Variants in PTPRD observed in about 807,000 individuals in gnomAD.
The protein encoded by PTPRD is receptor-type tyrosine-protein phosphatase delta.
A neutral mutation model predicts 214.5 loss-of-function variants in PTPRD; 34 were observed. That is an observed-to-expected ratio of 0.16 (90% confidence interval 0.12 to 0.21). PTPRD has a LOEUF of 0.21. Ranked by LOEUF, PTPRD falls within the 10% of genes least tolerant of loss-of-function variation. PTPRD has a pLI of 1.00. For synonymous variants in PTPRD, 1,128 were observed against 845.7 expected, an observed-to-expected ratio of 1.33 and a Z score of -5.79; for missense variants, 2,545 against 2,398.7, an observed-to-expected ratio of 1.06 and a Z score of -1.27.
At chr9:9,161,832 G>A (rs1271484916) in intron 10 of PTPRD, among the ~76,000 whole-genome samples, 1 of 150,768 alleles carries the variant, frequency 6.6e-6, no homozygotes, top group Admixed American at 6.6e-5. Context: ...AACAGTAATG[G>A]TAACATTACT....
chr9:9,165,670 A>C (rs2099901871), intron 10 of PTPRD, among the ~76,000 whole-genome samples: 1 of 152,224 alleles, frequency 6.6e-6, no homozygotes, highest in Non-Finnish European at 1.5e-5. Flanking sequence ...GTACATATTA[A>C]AATAACTTAC....
At chr9:10,451,092 G>A (rs2098838696) in intron 2 of PTPRD, among the ~76,000 whole-genome samples, 1 of 151,804 alleles carries the variant, frequency 6.6e-6, no homozygotes, top group Admixed American at 6.6e-5. Context: ...ACCATATTAA[G>A]AGGTTTTAAA....
chr9:8,811,812 T>C (rs2096811896), intron 11 of PTPRD, among the ~76,000 whole-genome samples: 1 of 152,238 alleles, frequency 6.6e-6, no homozygotes, highest in African/African-American at 2.4e-5. Context: ...ACATGCAACC[T>C]AGAAATTCAC....
chr9:9,992,858 G>A (rs951511354), intron 4 of PTPRD, among the ~76,000 whole-genome samples: 1 of 151,874 alleles, frequency 6.6e-6, no homozygotes, highest in Admixed American at 6.6e-5. Context: ...TAAATGACGA[G>A]TTAACGGGTG....
intron 7 of PTPRD, among the ~76,000 whole-genome samples, chr9:9,730,922 G>A (rs1413906018): frequency 6.6e-6 from 1 of 152,078 alleles, no homozygotes; most frequent in Non-Finnish European, 1.5e-5. Flanking sequence ...GTACATCATT[G>A]TGCATATGTT....
intron 3 of PTPRD, among the ~76,000 whole-genome samples, chr9:10,295,073 A>G (rs1038517688): frequency 2.6e-5 from 4 of 152,032 alleles, no homozygotes; most frequent in African/African-American, 9.7e-5. Flanking sequence ...CTTTACAAAA[A>G]CAGTTTTGGT....
chr9:9,462,199 G>A (rs1186685077), intron 8 of PTPRD, among the ~76,000 whole-genome samples: 1 of 152,038 alleles, frequency 6.6e-6, no homozygotes, highest in Non-Finnish European at 1.5e-5. Flanking sequence ...GGACTTCAAA[G>A]TATTATATAA....
chr9:9,571,510 GT>G (rs2086395607), intron 8 of PTPRD, among the ~76,000 whole-genome samples: 1 of 151,144 alleles, frequency 6.6e-6, no homozygotes, highest in South Asian at 2.1e-4. Flanking sequence ...ATGCTTAAAG[GT>G]TAGCCTAATA....
chr9:8,586,437 T>TC (rs2154259146), intron 14 of PTPRD, among the ~76,000 whole-genome samples: 1 of 152,362 alleles, frequency 6.6e-6, no homozygotes, highest in South Asian at 2.1e-4. Flanking sequence ...TACCACTCAT[T>TC]CCACATTGGA....
chr9:10,293,935 G>T lies in PTPRD; in HGVS notation c.-545+47028C>A, dbSNP rs559829876. On this transcript the variant is annotated intron_variant, in intron 3 of 45. Transcript: ENST00000381196. ...GTTTTCTGCATTTCTTACTGTGGTT[G>T]CTCAGTAATATGCCTTCTGCAAACC... Among the ~76,000 whole-genome samples, 15 of 152,028 alleles carry T rather than the reference G, an allele frequency of 9.9e-5. No individual in the cohort carries two copies. The South Asian group carries it at 3.1e-3, about 32-fold the overall frequency.
chr9:10,241,189 C>T (rs139106319), intron 3 of PTPRD, among the ~76,000 whole-genome samples: 1,769 of 151,964 alleles, frequency 0.012, 33 homozygotes, highest in Middle Eastern at 0.044. Context: ...ATTAAAATAA[C>T]TGATTATATC....
At chr9:9,258,365 T>C (rs1394441138) in intron 9 of PTPRD, among the ~76,000 whole-genome samples, 1 of 151,902 alleles carries the variant, frequency 6.6e-6, no homozygotes, top group Non-Finnish European at 1.5e-5. Flanking sequence ...CTGGCTATTA[T>C]GGTTTGTAAT....
At chr9:10,455,256 G>T (rs563734832) in intron 2 of PTPRD, among the ~76,000 whole-genome samples, 9 of 151,766 alleles carry the variant, frequency 5.9e-5, no homozygotes, top group African/African-American at 2.2e-4. Context: ...TTACGTGAAA[G>T]AATTCCCATT....
chr9:9,572,559 A>ATGTGTATATATATATATATATATG, intron 8 of PTPRD, among the ~76,000 whole-genome samples: 1 of 115,700 alleles, frequency 8.6e-6, no homozygotes, highest in African/African-American at 3.3e-5. Flanking sequence ...GCATATATAT[A>ATGTGTATATATATATATATATATG]TGTATATATA....
At chr9:8,526,963 A>G (rs1177404903) in intron 16 of PTPRD, among the ~76,000 whole-genome samples, 1 of 151,924 alleles carries the variant, frequency 6.6e-6, no homozygotes, top group Non-Finnish European at 1.5e-5. Flanking sequence ...ATCTCTTAAA[A>G]AAAAACTATA....
At chr9:8,651,173 G>A (rs1460574393) in intron 12 of PTPRD, among the ~76,000 whole-genome samples, 1 of 152,188 alleles carries the variant, frequency 6.6e-6, no homozygotes, top group Non-Finnish European at 1.5e-5. Flanking sequence ...AGATGATTAT[G>A]AGAAAAGCGT....
chr9:10,131,142 G>A (rs1457027044), intron 3 of PTPRD, among the ~76,000 whole-genome samples: 1 of 152,166 alleles, frequency 6.6e-6, no homozygotes, highest in Admixed American at 6.6e-5. Context: ...GGAATAAAGA[G>A]AGTGAGGATG....
intron 3 of PTPRD, among the ~76,000 whole-genome samples, chr9:10,115,844 G>A (rs548609683): frequency 4.6e-5 from 7 of 152,078 alleles, no homozygotes; most frequent in African/African-American, 9.6e-5. Flanking sequence ...TATCAAAAAC[G>A]GGGTACTAAA....
At chr9:8,815,159 G>C (rs1335983018) in intron 11 of PTPRD, among the ~76,000 whole-genome samples, 2 of 151,632 alleles carry the variant, frequency 1.3e-5, no homozygotes, top group South Asian at 2.1e-4. Flanking sequence ...GGGACAGTGA[G>C]AGAGAAATGT....
Sources: gnomAD v4.1 joint callset for allele counts (sites outside exome capture counted in the v4.1 genomes callset) on GRCh38, gnomAD v4.1.1 for gene constraint, MANE v1.5 for transcripts, NCBI Gene and HGNC (gene_info 2026-07-23, HGNC 2026-07-21) for gene names.